Variants in TNFRSF19 observed in about 807,000 individuals in gnomAD.
TNFRSF19 encodes the protein TNF receptor superfamily member 19, also known as tumor necrosis factor receptor superfamily member 19.
In TNFRSF19, 27 loss-of-function variants were observed where a neutral mutation model predicts 46.4. The ratio of observed to expected loss-of-function variants is 0.58; its 90% CI spans 0.43 to 0.80. The LOEUF (loss-of-function observed/expected upper bound fraction) is 0.80, where lower values mean the gene tolerates loss of function less well. Among genes scored for constraint, TNFRSF19 ranks in the 30% least tolerant of loss-of-function variants. The probability of loss-of-function intolerance (pLI) is 0.00; values close to 1 mark genes in which losing one functional copy is unlikely to be tolerated. For synonymous variants in TNFRSF19, 204 were observed against 205.0 expected (o/e 1.00, Z 0.04); for missense variants, 511 against 530.8 (o/e 0.96, Z 0.37).
intron 5 of TNFRSF19, among the ~76,000 whole-genome samples, chr13:23,635,649 G>C (rs1401843649): frequency 2.6e-5 from 4 of 152,272 alleles, no homozygotes; most frequent in Admixed American, 6.5e-5. Context: ...AAAGTGCTGG[G>C]ATTACAGGTG....
intron 5 of TNFRSF19, among the ~76,000 whole-genome samples, chr13:23,627,793 G>A (rs145221063): frequency 3.3e-5 from 5 of 152,284 alleles, no homozygotes; most frequent in African/African-American, 4.8e-5. Flanking sequence ...AAGTTAGTGC[G>A]TCATTTGATA....
Position 23,674,840 on chromosome 13 carries a change from T to G in TNFRSF19, c.*1460T>G, listed in dbSNP as rs1951806904. 6.6e-6 allele frequency: 1 copy of G among 152,242 alleles called. No homozygotes were observed. The highest frequency in any genetic ancestry group is 2.4e-5 in the African/African-American group (1 of 41,466). 9.4% of individuals were successfully genotyped at this position (152,242 alleles called of 1,614,324 possible). On this transcript the variant is annotated 3_prime_UTR_variant, in exon 10 of 10. Transcript: ENST00000248484. ...TATGTTTTTATCTTCTCATGTATTA[T>G]CCATGGTTTTCTCTGTTTGTGACAG...
intron 1 of TNFRSF19, among the ~76,000 whole-genome samples, chr13:23,581,512 A>G (rs980267304): frequency 6.6e-6 from 1 of 152,188 alleles, no homozygotes. Context: ...AGTAGCTGTA[A>G]AAGAGATTTT....
chr13:23,617,400 T>C (rs1315801352), intron 4 of TNFRSF19, among the ~76,000 whole-genome samples: 1 of 152,078 alleles, frequency 6.6e-6, no homozygotes, highest in Non-Finnish European at 1.5e-5. Flanking sequence ...CCTGACTGCT[T>C]CTAAGTAACT....
intron 5 of TNFRSF19, among the ~76,000 whole-genome samples, chr13:23,634,785 G>T (rs954754283): frequency 6.6e-6 from 1 of 152,174 alleles, no homozygotes; most frequent in African/African-American, 2.4e-5. Flanking sequence ...GGCCTGCACC[G>T]TGTGGGAAAA....
At chr13:23,661,817 G>A (rs1042710742) in intron 7 of TNFRSF19, among the ~76,000 whole-genome samples, 2 of 152,024 alleles carry the variant, frequency 1.3e-5, no homozygotes, top group Non-Finnish European at 2.9e-5. Context: ...TTTTTCATAT[G>A]CTTGTTGGCC....
At chr13:23,599,562 G>A (rs1879981798) in intron 3 of TNFRSF19, among the ~76,000 whole-genome samples, 4 of 152,290 alleles carry the variant, frequency 2.6e-5, no homozygotes, top group Middle Eastern at 6.8e-3. Context: ...CAGGTCACAG[G>A]TGGATTGCAG....
intron 5 of TNFRSF19, among the ~76,000 whole-genome samples, chr13:23,636,052 C>A: frequency 6.6e-6 from 1 of 152,100 alleles, no homozygotes; most frequent in South Asian, 2.1e-4. Flanking sequence ...CAGAGGGGTC[C>A]GTTAGTGAGA....
chr13:23,651,893 T>TAAAAAAAAAAA (rs34023907), intron 5 of TNFRSF19, among the ~76,000 whole-genome samples: 5 of 9,966 alleles, frequency 5.0e-4, no homozygotes, highest in Non-Finnish European at 9.1e-4. Context: ...CATAACATGC[T>TAAAAAAAAAAA]AAAAAAAAAA....
intron 4 of TNFRSF19, among the ~76,000 whole-genome samples, chr13:23,624,726 T>G (rs1881877448): frequency 6.6e-6 from 1 of 152,102 alleles, no homozygotes. Flanking sequence ...CTCCCAAAAT[T>G]TTTTCATTGC....
At chr13:23,649,885 T>C (rs1314188896) in intron 5 of TNFRSF19, among the ~76,000 whole-genome samples, 1 of 152,248 alleles carries the variant, frequency 6.6e-6, no homozygotes, top group Non-Finnish European at 1.5e-5. Context: ...CATTGATTTC[T>C]AATTTTGTTC....
At chr13:23,640,089 G>T (rs1882941150) in intron 5 of TNFRSF19, among the ~76,000 whole-genome samples, 1 of 152,112 alleles carries the variant, frequency 6.6e-6, no homozygotes, top group Admixed American at 6.5e-5. Flanking sequence ...AGACGTTCTG[G>T]GTGGTGCTGA....
intron 7 of TNFRSF19, among the ~76,000 whole-genome samples, chr13:23,667,068 T>TTG (rs140913976): frequency 0.048 from 7,154 of 149,754 alleles, 524 homozygotes; most frequent in African/African-American, 0.16. Flanking sequence ...GTGTGTGTCT[T>TTG]TGTGTGTGTG....
intron 5 of TNFRSF19, among the ~76,000 whole-genome samples, chr13:23,654,681 G>A (rs1424525411): frequency 2.6e-5 from 4 of 152,212 alleles, no homozygotes; most frequent in South Asian, 2.1e-4. Context: ...GATCTCAGAA[G>A]CTACCTGCAT....
At chr13:23,673,039 G>A (rs1951782266) in intron 9 of TNFRSF19, among the ~76,000 whole-genome samples, 1 of 152,168 alleles carries the variant, frequency 6.6e-6, no homozygotes, top group Non-Finnish European at 1.5e-5. Context: ...CAGTATAGAA[G>A]AAAGAAGCTT....
rs1163124780 is a variant in TNFRSF19 at position 23,674,931 on chromosome 13, T to C, written c.*1551T>C. Reference sequence around the variant, plus strand: ...CTCCATAGTTTTAGGTTTTGATATGTGTTTACTAGCTTGCCTGTGTCTGGT... The same window carrying C: ...CTCCATAGTTTTAGGTTTTGATATGCGTTTACTAGCTTGCCTGTGTCTGGT... On this transcript the variant is annotated 3_prime_UTR_variant, in exon 10 of 10. Transcript: ENST00000248484. 1 of 152,224 alleles carries C rather than the reference T, an allele frequency of 6.6e-6. No individual in the cohort carries two copies. The highest frequency in any genetic ancestry group is 1.5e-5 in the Non-Finnish European group (1 of 68,036). 9.4% of individuals were successfully genotyped at this position (152,224 alleles called of 1,614,324 possible).
intron 2 of TNFRSF19, among the ~76,000 whole-genome samples, chr13:23,592,450 T>C (rs1879381875): frequency 6.6e-6 from 1 of 152,226 alleles, no homozygotes; most frequent in Admixed American, 6.5e-5. Flanking sequence ...GGAGAACTTG[T>C]TGTTTTCAGA....
chr13:23,584,867 A>G (rs1462655278), intron 1 of TNFRSF19, among the ~76,000 whole-genome samples: 1 of 152,212 alleles, frequency 6.6e-6, no homozygotes, highest in African/African-American at 2.4e-5. Context: ...TCTACTATGT[A>G]AGAAGAATGA....
chr13:23,668,091 G>A lies in TNFRSF19; in HGVS notation c.839+9G>A, dbSNP rs368701692. ...GCCAGTCTTCAGGCAAGGTAACTAG[G>A]TGCTTTCAATCAATCATTTCATAAC... On this transcript the variant is annotated intron_variant, in intron 8 of 9. Coordinates refer to ENST00000248484, the MANE Select transcript of TNFRSF19 (RefSeq NM_148957.4). The A allele has an allele frequency of 8.2e-6, 13 of 1,593,224 alleles. No homozygotes were observed. Among genetic ancestry groups the A allele is most frequent in the South Asian group, 4.6e-5 (4 of 87,004 alleles).
Sources: gnomAD v4.1 joint callset for allele counts (sites outside exome capture counted in the v4.1 genomes callset) on GRCh38, gnomAD v4.1.1 for gene constraint, MANE v1.5 for transcripts, NCBI Gene and HGNC (gene_info 2026-07-23, HGNC 2026-07-21) for gene names.